Variants in CD99L2 observed in about 807,000 individuals in gnomAD.
CD99L2 encodes the protein CD99 antigen-like protein 2.
Under a neutral mutation model 27.3 loss-of-function variants are expected in CD99L2, and 24 were observed. That is an observed-to-expected ratio of 0.88 (90% CI 0.64 to 1.24). The LOEUF (loss-of-function observed/expected upper bound fraction) is 1.24, where lower values mean the gene tolerates loss of function less well. CD99L2 is among the 50% of genes most tolerant of loss of function. The pLI, the probability that CD99L2 is intolerant of heterozygous loss-of-function variation, is 0.00. For missense variants in CD99L2, 255 were observed against 221.6 expected, an observed-to-expected ratio of 1.15 and a Z score of -0.96; for synonymous variants, 97 against 87.9, an observed-to-expected ratio of 1.10 and a Z score of -0.58.
chrX:150,852,858 T>C (rs1168579201), intron 1 of CD99L2, among the ~76,000 whole-genome samples: 7 of 112,167 alleles, frequency 6.2e-5, no homozygotes, highest in Non-Finnish European at 1.1e-4. Context: ...CATTCATCAG[T>C]TGATGGTCAT....
At chrX:150,784,258 C>A (rs1209214195) in intron 7 of CD99L2, among the ~76,000 whole-genome samples, 1 of 110,321 alleles carries the variant, frequency 9.1e-6, no homozygotes, top group Non-Finnish European at 1.9e-5. Flanking sequence ...AATAACACCC[C>A]TCCCCGCTTC....
In CD99L2 at chrX:150,792,510, T is replaced by C. The variant is rs186054479; in HGVS notation, c.496+1181A>G. 7.7e-3 allele frequency among the ~76,000 whole-genome samples: 866 copies of C among 112,352 alleles called. 9 individuals carry two copies. Among genetic ancestry groups the C allele is most frequent in the Non-Finnish European group, 0.013 (704 of 53,255 alleles). On this transcript the variant is annotated intron_variant, in intron 7 of 10. Coordinates refer to ENST00000370377, the MANE Select transcript of CD99L2 (RefSeq NM_031462.4). ...CTGTCTGGAAAGGTGTTTCGAAGGA[T>C]AAATTTAACCATGGTATCCTTTAAT...
At chrX:150,805,285 T>C (rs1318481276) in intron 4 of CD99L2, among the ~76,000 whole-genome samples, 3 of 110,689 alleles carry the variant, frequency 2.7e-5, no homozygotes, top group Admixed American at 9.6e-5. Context: ...ACTGAACTCA[T>C]AGAAGCATAG....
At chrX:150,785,224 A>G (rs782501000) in intron 7 of CD99L2, among the ~76,000 whole-genome samples, 16 of 110,500 alleles carry the variant, frequency 1.4e-4, no homozygotes, top group Non-Finnish European at 2.6e-4. Flanking sequence ...ACCACTAAAG[A>G]GGCTTTTGTT....
chrX:150,794,238 G>T (rs782017788), intron 6 of CD99L2, among the ~76,000 whole-genome samples: 2 of 111,292 alleles, frequency 1.8e-5, no homozygotes, highest in Admixed American at 1.9e-4. Context: ...TGCTAGTCTT[G>T]AAGCAGCAAG....
At chrX:150,824,707 G>GGAAGAAGAAGAA (rs10695052) in intron 2 of CD99L2, among the ~76,000 whole-genome samples, 81 of 93,660 alleles carry the variant, frequency 8.6e-4, no homozygotes, top group East Asian at 3.0e-3. Flanking sequence ...AAGAGGAAGA[G>GGAAGAAGAAGAA]GAAGAAGAAG....
chrX:150,775,300 C>T (rs2043530747), intron 9 of CD99L2, among the ~76,000 whole-genome samples: 1 of 111,929 alleles, frequency 8.9e-6, no homozygotes, highest in Non-Finnish European at 1.9e-5. Context: ...GAGTCACATT[C>T]TGTCACTTGA....
intron 4 of CD99L2, among the ~76,000 whole-genome samples, chrX:150,796,475 TAACA>T (rs1289603703): frequency 2.7e-5 from 3 of 112,516 alleles, no homozygotes; most frequent in Non-Finnish European, 5.6e-5. Flanking sequence ...TGTGTGCACC[TAACA>T]ATAGAGTGTC....
At chrX:150,770,498 C>A (rs1477496259) in intron 9 of CD99L2, 129 bp from the exon 10 acceptor site, 1 of 529,254 alleles carries the variant, frequency 1.9e-6, no homozygotes, top group African/African-American at 2.3e-5. Context: ...AACTCAAAAC[C>A]CTGCACCCTG....
intron 7 of CD99L2, among the ~76,000 whole-genome samples, chrX:150,786,234 T>A (rs113106456): frequency 9.1e-6 from 1 of 110,180 alleles, no homozygotes; most frequent in Non-Finnish European, 1.9e-5. Flanking sequence ...TTTTAAAAAA[T>A]TTTAGGTTCA....
intron 1 of CD99L2, among the ~76,000 whole-genome samples, chrX:150,898,067 C>T (rs868926965): frequency 3.9e-5 from 2 of 50,679 alleles, no homozygotes; most frequent in Non-Finnish European, 1.1e-4. Context: ...CCCCCCCCCC[C>T]CCCCCACAGC....
intron 4 of CD99L2, among the ~76,000 whole-genome samples, chrX:150,807,755 G>A (rs1303917923): frequency 8.9e-6 from 1 of 112,079 alleles, no homozygotes; most frequent in Non-Finnish European, 1.9e-5. Context: ...GTGTGTGTGT[G>A]CTCACATCCA....
intron 8 of CD99L2, chrX:150,776,982 T>C: frequency 6.5e-6 from 1 of 152,691 alleles, no homozygotes; most frequent in Non-Finnish European, 1.2e-5. Context: ...TTCCAGGTCA[T>C]AGGGAGATAA....
rs1406872043 is a variant in CD99L2 at position 150,768,449 on chromosome X, A to G, written c.*585T>C. The G allele has an allele frequency of 8.8e-6, 1 of 113,009 alleles. No homozygotes were observed. Among genetic ancestry groups the G allele is most frequent in the East Asian group, 2.8e-4 (1 of 3,581 alleles). The allele number at this position is 113,009 out of a possible 1,213,427, so 9.3% of individuals were successfully genotyped here. On this transcript the variant is annotated 3_prime_UTR_variant, in exon 11 of 11. Transcript: ENST00000370377. Reference sequence around the variant, plus strand: ...CGGCTCTCCGGAAGCCCAGCAACATAAAACCTGGGATGGGGAAGACTGAAG... The same window carrying G: ...CGGCTCTCCGGAAGCCCAGCAACATGAAACCTGGGATGGGGAAGACTGAAG...
Position 150,768,903 on chromosome X carries a change from C to T in CD99L2, c.*131G>A, listed in dbSNP as rs782820938. 6.8e-5 allele frequency: 72 copies of T among 1,058,279 alleles called. No homozygotes were observed. The Middle Eastern group carries it at 1.0e-3, about 15-fold the overall frequency. The allele number at this position is 1,058,279 out of a possible 1,213,427, so 87.2% of individuals were successfully genotyped here. A position where few individuals can be genotyped will look rare whatever the true frequency, so the allele number is the denominator to read the frequency against. On this transcript the variant is annotated 3_prime_UTR_variant, in exon 11 of 11. Transcript: ENST00000370377. ...AACTCACAAACACCCAGAGCTCATC[C>T]GGGAAACTCAGACCAACAAGGAGCC...
At chrX:150,881,677 A>C (rs2047327703) in intron 1 of CD99L2, among the ~76,000 whole-genome samples, 1 of 112,070 alleles carries the variant, frequency 8.9e-6, no homozygotes, top group African/African-American at 3.2e-5. Context: ...TTGCAGGAGA[A>C]AGTCTTGTAT....
At chrX:150,844,121 G>A (rs2046664012) in intron 1 of CD99L2, among the ~76,000 whole-genome samples, 1 of 112,096 alleles carries the variant, frequency 8.9e-6, no homozygotes, top group South Asian at 3.7e-4. Context: ...ATGGACGGGT[G>A]GGGAGCATAG....
chrX:150,783,324 C>T (rs956424669), intron 7 of CD99L2, among the ~76,000 whole-genome samples: 1 of 111,117 alleles, frequency 9.0e-6, no homozygotes, highest in Non-Finnish European at 1.9e-5. Flanking sequence ...TATATAAAAC[C>T]GGGATCAACA....
At chrX:150,898,469 GC>G (rs1315200550) in intron 1 of CD99L2, 52 bp downstream of exon 1, 10 of 1,006,351 alleles carry the variant, frequency 9.9e-6, no homozygotes, top group Non-Finnish European at 1.3e-5. Flanking sequence ...CGACCCCTGG[GC>G]CCACAAGGCG....
Sources: gnomAD v4.1 joint callset for allele counts (sites outside exome capture counted in the v4.1 genomes callset) on GRCh38, gnomAD v4.1.1 for gene constraint, MANE v1.5 for transcripts, NCBI Gene and HGNC (gene_info 2026-07-23, HGNC 2026-07-21) for gene names.